BRWD1: variants seen among roughly 807,000 people sequenced by gnomAD.
The protein encoded by BRWD1 is bromodomain and WD repeat-containing protein 1.
In BRWD1, 82 loss-of-function variants were observed where a neutral mutation model predicts 251.2. The observed-to-expected ratio is 0.33, with a 90% CI of 0.27 to 0.39. The LOEUF (loss-of-function observed/expected upper bound fraction) is 0.39, where lower values mean the gene tolerates loss of function less well. Among genes scored for constraint, BRWD1 ranks in the 10% least tolerant of loss-of-function variants. The pLI is 1.00. For missense variants in BRWD1, 2,233 were observed against 2,711.6 expected (o/e 0.82, Z 3.92); for synonymous variants, 918 against 902.8 (o/e 1.02, Z -0.30).
chr21:39,191,119 T>C lies in BRWD1; in HGVS notation c.*5140A>G. ...TACCTTAAGAGCATTTCACACTAAA[T>C]GCAGGCAGAATCAGAAGTAAATACT... On this transcript the variant is annotated 3_prime_UTR_variant, in exon 41 of 41. Coordinates refer to ENST00000342449, the MANE Select transcript of BRWD1 (RefSeq NM_033656.4). 2.0e-6 allele frequency: 2 copies of C among 985,404 alleles called. No individual in the cohort carries two copies. The highest frequency in any genetic ancestry group is 2.4e-6 in the Non-Finnish European group (2 of 829,908). 61.0% of individuals were successfully genotyped at this position (985,404 alleles called of 1,614,324 possible). A position where few individuals can be genotyped will look rare whatever the true frequency, so the allele number is the denominator to read the frequency against.
At chr21:39,242,565 A>C (rs1419768490) in intron 21 of BRWD1, among the ~76,000 whole-genome samples, 1 of 152,212 alleles carries the variant, frequency 6.6e-6, no homozygotes, top group Non-Finnish European at 1.5e-5. Context: ...AAGTGGCTAC[A>C]ATAACAGATT....
intron 21 of BRWD1, among the ~76,000 whole-genome samples, chr21:39,240,829 C>T (rs1040331881): frequency 4.6e-5 from 7 of 151,310 alleles, no homozygotes; most frequent in African/African-American, 1.7e-4. Flanking sequence ...ATTTGGTTAA[C>T]GACAAAAAAA....
intron 18 of BRWD1, among the ~76,000 whole-genome samples, chr21:39,256,736 C>A (rs1236550736): frequency 2.6e-5 from 4 of 152,288 alleles, no homozygotes; most frequent in Middle Eastern, 3.4e-3. Flanking sequence ...GAAGGGGCTC[C>A]TGCTACTAAC....
At position 39,212,161 on chromosome 21, in the gene BRWD1, C is replaced by G. The variant is rs561790085; in HGVS notation, c.3900+505G>C. On this transcript the variant is annotated intron_variant, in intron 34 of 40. Coordinates refer to ENST00000342449, the MANE Select transcript of BRWD1 (RefSeq NM_033656.4). Reference sequence around the variant, plus strand: ...TATCCTTGACTAGGTACCCGTCCTTCACCCTATATTCTTGGAATAAACTCC... The same window carrying G: ...TATCCTTGACTAGGTACCCGTCCTTGACCCTATATTCTTGGAATAAACTCC... Among the ~76,000 whole-genome samples, 21 of 152,282 alleles carry G rather than the reference C, an allele frequency of 1.4e-4. No individual in the cohort carries two copies. In the South Asian group the frequency reaches 4.3e-3, roughly 32 times the overall value.
At chr21:39,233,575 A>C (rs930587268) in intron 23 of BRWD1, among the ~76,000 whole-genome samples, 4 of 152,226 alleles carry the variant, frequency 2.6e-5, no homozygotes, top group Admixed American at 1.3e-4. Flanking sequence ...AATTCCTTGA[A>C]GTCTACTACT....
In BRWD1 at chr21:39,215,341, C is replaced by A; in HGVS notation, c.3681G>T (p.Trp1227Cys). 6.2e-7 allele frequency: 1 copy of A among 1,613,274 alleles called. No homozygotes were observed. The highest frequency in any genetic ancestry group is 2.2e-5 in the East Asian group (1 of 44,834). The change falls in exon 32 of 41, where the codon TGG becomes TGT. Residue 1227 changes from tryptophan to cysteine, a missense_variant. Physicochemically the swap from Trp to Cys is radical, Grantham distance 215. Transcript: ENST00000342449. ...RFYRRLSALV[W>C]EVRYIEHNAR... ...CATTATGTTCTATATATCTGACTTC[C>A]CAAACTAACGCAGACAGCCTCCTTC...
intron 21 of BRWD1, among the ~76,000 whole-genome samples, chr21:39,245,859 C>G (rs7282651): frequency 0.11 from 16,205 of 152,082 alleles, 980 homozygotes; most frequent in East Asian, 0.19. Flanking sequence ...ACCTTGGCCT[C>G]GCAAAGTCCT....
chr21:39,258,120 G>A (rs1169924278), intron 18 of BRWD1, among the ~76,000 whole-genome samples: 1 of 152,080 alleles, frequency 6.6e-6, no homozygotes, highest in Non-Finnish European at 1.5e-5. Context: ...CAAACTTTCT[G>A]ATTCAATAAG....
intron 5 of BRWD1, chr21:39,297,351 G>A (rs1158260737): frequency 1.0e-6 from 1 of 985,296 alleles, no homozygotes; most frequent in Non-Finnish European, 1.2e-6. Context: ...ATCCTCCTGG[G>A]GTACCAGTAC....
rs1201607518 is a variant in BRWD1, at chr21:39,236,800, G to C, written c.2577-16C>G. On this transcript the variant is annotated splice_polypyrimidine_tract_variant and intron_variant, in intron 22 of 40. Transcript: ENST00000342449. Reference sequence around the variant, plus strand: ...TGAAGAGTCACTAGAAAAGGGGAGTGCTTTCAGTTGAATGGAGCCAGAATA... The same window carrying C: ...TGAAGAGTCACTAGAAAAGGGGAGTCCTTTCAGTTGAATGGAGCCAGAATA... 6.2e-7 allele frequency: 1 copy of C among 1,607,532 alleles called. No individual in the cohort carries two copies. Among genetic ancestry groups the C allele is most frequent in the East Asian group, 2.2e-5 (1 of 44,806 alleles).
In BRWD1 at chr21:39,250,785, A is replaced by G; in HGVS notation, c.2349+11T>C. On this transcript the variant is annotated intron_variant, in intron 20 of 40. Transcript: ENST00000342449. ...ATTTCTAATTTGCTAAGAAAACAGAATTTAGGTTACCTTATGTGAGAGCTG... is the reference window on the plus strand; with the variant it reads ...ATTTCTAATTTGCTAAGAAAACAGAGTTTAGGTTACCTTATGTGAGAGCTG... 6.6e-7 allele frequency: 1 copy of G among 1,512,672 alleles called. No individual in the cohort carries two copies. Among genetic ancestry groups the G allele is most frequent in the Non-Finnish European group, 9.0e-7 (1 of 1,115,884 alleles). The allele number at this position is 1,512,672 out of a possible 1,614,324, so 93.7% of individuals were successfully genotyped here.
intron 18 of BRWD1, 85 bp from the exon 19 acceptor site, chr21:39,255,913 G>A: frequency 8.4e-7 from 1 of 1,183,974 alleles, no homozygotes; most frequent in South Asian, 1.5e-5. Flanking sequence ...GTTCACCTAA[G>A]ATGCGCACCA....
intron 8 of BRWD1, among the ~76,000 whole-genome samples, chr21:39,289,319 T>C (rs114932883): frequency 0.015 from 2,319 of 152,338 alleles, 58 homozygotes; most frequent in African/African-American, 0.053. Context: ...TTCCACTTCT[T>C]GAACAATGCA....
At chr21:39,256,201 T>C (rs2034557559) in intron 18 of BRWD1, among the ~76,000 whole-genome samples, 1 of 152,224 alleles carries the variant, frequency 6.6e-6, no homozygotes, top group East Asian at 1.9e-4. Flanking sequence ...CAATTTTTAC[T>C]AGACTTTCTG....
intron 21 of BRWD1, among the ~76,000 whole-genome samples, chr21:39,240,171 A>C (rs1424074373): frequency 3.3e-5 from 5 of 152,234 alleles, no homozygotes; most frequent in African/African-American, 1.2e-4. Context: ...ATATGATTCC[A>C]ATTACATGGC....
intron 17 of BRWD1, among the ~76,000 whole-genome samples, chr21:39,258,956 C>G (rs1405731028): frequency 2.0e-5 from 3 of 152,122 alleles, no homozygotes; most frequent in African/African-American, 7.2e-5. Flanking sequence ...AACTTTATTA[C>G]GCTGTTTCAC....
rs1386953661 is a variant in BRWD1 at position 39,295,839 on chromosome 21, A to C, written c.513T>G (p.Thr171=). The C allele has an allele frequency of 6.2e-7, 1 of 1,611,098 alleles. No individual in the cohort carries two copies. The highest frequency in any genetic ancestry group is 1.3e-5 in the African/African-American group (1 of 74,966). ...CSTFSTAFPG[T]MYQHIKMHRR... is the part of the protein sequence containing the mutation. The stretch of plus-strand genomic sequence containing the variant: ...TGTGCATTTTTATATGCTGATACAT[A>C]GTTCCTGGAAATGCTGTACTAAAAG... The change falls in exon 7 of 41, where the codon ACT becomes ACG. Residue 171 remains threonine, a synonymous_variant. Transcript: ENST00000342449.
intron 20 of BRWD1, among the ~76,000 whole-genome samples, chr21:39,248,868 C>A (rs544864979): frequency 6.6e-6 from 1 of 152,138 alleles, no homozygotes; most frequent in East Asian, 1.9e-4. Context: ...TGGGTATATA[C>A]CCAAAGGAAA....
At chr21:39,206,388 G>A (rs988188983) in intron 36 of BRWD1, 114 bp from the exon 37 acceptor site, 51 of 762,498 alleles carry the variant, frequency 6.7e-5, no homozygotes, top group Non-Finnish European at 8.7e-5. Flanking sequence ...TATAGGTAAT[G>A]GCTGTCACCC....
Sources: allele counts gnomAD v4.1 joint callset (sites outside exome capture counted in the v4.1 genomes callset), GRCh38; gene constraint gnomAD v4.1.1; transcripts MANE v1.5; gene names NCBI Gene and HGNC (gene_info 2026-07-23, HGNC 2026-07-21).